Variants in PTGFR observed in about 807,000 individuals in gnomAD.
PTGFR encodes prostaglandin F2-alpha receptor.
A neutral mutation model predicts 26.2 loss-of-function variants in PTGFR; 15 were observed. That is an observed-to-expected ratio of 0.57 (90% CI 0.38 to 0.88). PTGFR has a LOEUF of 0.88. Among genes scored for constraint, PTGFR ranks in the 40% least tolerant of loss-of-function variants. The pLI, the probability that PTGFR is intolerant of heterozygous loss-of-function variation, is 0.00. For synonymous variants in PTGFR, 165 were observed against 151.1 expected, an observed-to-expected ratio of 1.09 and a Z score of -0.68; for missense variants, 369 against 427.2, an observed-to-expected ratio of 0.86 and a Z score of 1.20.
In PTGFR at chr1:78,493,447, A is replaced by G. The variant is rs757380076; in HGVS notation, c.704A>G (p.Gln235Arg). The G allele has an allele frequency of 1.2e-6, 2 of 1,612,718 alleles. No homozygotes were observed. Among genetic ancestry groups the G allele is most frequent in the Admixed American group, 1.7e-5 (1 of 59,884 alleles). Residue 235 changes from glutamine (Q) to arginine (R), a missense_variant, in exon 2 of 3, where the codon CAG becomes CGG. Gln to Arg is a conservative substitution (Grantham distance 43, BLOSUM62 1). Transcript: ENST00000370757. ...CTTTTAAGAGTTAAATTTAAAAGTC[A>G]GCAGCACAGACAAGGCAGATCTCAT... ...ITLLRVKFKSQQHRQGRSHHL... is the reference protein window; with the variant it reads ...ITLLRVKFKSRQHRQGRSHHL...
At chr1:78,512,305 T>C (rs765015516) in intron 2 of PTGFR, among the ~76,000 whole-genome samples, 1 of 152,206 alleles carries the variant, frequency 6.6e-6, no homozygotes, top group Non-Finnish European at 1.5e-5. Flanking sequence ...TATAAATAAA[T>C]ACCTGAGACT....
chr1:78,498,997 T>C (rs1024466337), intron 2 of PTGFR, among the ~76,000 whole-genome samples: 2 of 152,156 alleles, frequency 1.3e-5, no homozygotes, highest in African/African-American at 4.8e-5. Flanking sequence ...AAAAGACATA[T>C]TTTAGAGATA....
chr1:78,530,131 G>T (rs1650468799), intron 2 of PTGFR, among the ~76,000 whole-genome samples: 1 of 152,078 alleles, frequency 6.6e-6, no homozygotes. Flanking sequence ...GAAGATAAAA[G>T]GTACTGAGCA....
chr1:78,495,584 C>G (rs890460695), intron 2 of PTGFR, among the ~76,000 whole-genome samples: 1 of 152,122 alleles, frequency 6.6e-6, no homozygotes, highest in Admixed American at 6.5e-5. Context: ...AGTGAAGTGT[C>G]AATAAATGAG....
chr1:78,513,827 A>C (rs1650028761), intron 2 of PTGFR, among the ~76,000 whole-genome samples: 1 of 152,058 alleles, frequency 6.6e-6, no homozygotes, highest in Non-Finnish European at 1.5e-5. Context: ...TCCCACATCC[A>C]GGGTGCCCGG....
chr1:78,492,606 C>T, intron 1 of PTGFR, 66 bp from the exon 2 acceptor site: 1 of 836,276 alleles, frequency 1.2e-6, no homozygotes, highest in Non-Finnish European at 1.8e-6. Flanking sequence ...TGCTGGGGCA[C>T]GTCAGTCATA....
rs116154062 is a variant in PTGFR at position 78,501,648 on chromosome 1, C to T, written c.798+8107C>T. The stretch of plus-strand genomic sequence containing the variant: ...GGTGTGATGGTGAAGGAGACAGAGA[C>T]AATTGGATTATGTAAAATGAATTAT... On this transcript the variant is annotated intron_variant, in intron 2 of 2. Coordinates refer to ENST00000370757, the MANE Select transcript of PTGFR (RefSeq NM_000959.4). 9.9e-3 allele frequency among the ~76,000 whole-genome samples: 1,502 copies of T among 152,160 alleles called. 31 individuals are homozygous for T. Among genetic ancestry groups the T allele is most frequent in the African/African-American group, 0.034 (1,429 of 41,528 alleles).
intron 2 of PTGFR, among the ~76,000 whole-genome samples, chr1:78,521,063 T>A (rs1190931170): frequency 9.9e-5 from 15 of 152,062 alleles, no homozygotes; most frequent in Non-Finnish European, 4.4e-5. Flanking sequence ...GGCTGGCTCC[T>A]CTCTCTTAAT....
At chr1:78,518,385 T>C (rs1650141972) in intron 2 of PTGFR, among the ~76,000 whole-genome samples, 1 of 152,112 alleles carries the variant, frequency 6.6e-6, no homozygotes, top group South Asian at 2.1e-4. Flanking sequence ...TCTTTTATTA[T>C]TTCTTTTTGG....
At chr1:78,532,660 C>T (rs763990223) in intron 2 of PTGFR, among the ~76,000 whole-genome samples, 8 of 151,174 alleles carry the variant, frequency 5.3e-5, no homozygotes, top group African/African-American at 1.2e-4. Flanking sequence ...CTCTGCCTCT[C>T]GGGTTCAAGC....
At chr1:78,530,431 G>A (rs917086532) in intron 2 of PTGFR, among the ~76,000 whole-genome samples, 64 of 152,160 alleles carry the variant, frequency 4.2e-4, no homozygotes, top group Admixed American at 9.2e-4. Context: ...ATGAGAGTGT[G>A]CTAGAATCAG....
Position 78,492,730 on chromosome 1 carries a change from T to C in PTGFR, c.-14T>C. 6.3e-7 allele frequency: 1 copy of C among 1,596,460 alleles called. No individual in the cohort carries two copies. The highest frequency in any genetic ancestry group is 8.5e-7 in the Non-Finnish European group (1 of 1,171,160). ...GGGAGATGACTTGAGTGGTTGGCTT[T>C]TATCTCCACAACAATGTCCATGAAC... On this transcript the variant is annotated 5_prime_UTR_variant, in exon 2 of 3. Coordinates refer to ENST00000370757, the MANE Select transcript of PTGFR (RefSeq NM_000959.4).
At position 78,492,883 on chromosome 1, in the gene PTGFR, C is replaced by A. The variant is rs758033143; in HGVS notation, c.140C>A (p.Ala47Asp). 6.2e-7 allele frequency: 1 copy of A among 1,614,224 alleles called. No homozygotes were observed. Among genetic ancestry groups the A allele is most frequent in the East Asian group, 2.2e-5 (1 of 44,884 alleles). Residue 47 changes from alanine (A) to aspartate (D), a missense_variant, in exon 2 of 3, where the codon GCC (alanine) becomes GAC (aspartate). Physicochemically the swap from Ala to Asp is moderately radical, Grantham distance 126. Coordinates refer to ENST00000370757, the MANE Select transcript of PTGFR (RefSeq NM_000959.4). The part of the protein sequence containing the change: ...MTVGILSNSL[A>D]IAILMKAYQR... Reference sequence around the variant, plus strand: ...GTGGGAATCTTGTCAAACAGCCTTGCCATCGCCATTCTCATGAAGGCATAT... The same window carrying A: ...GTGGGAATCTTGTCAAACAGCCTTGACATCGCCATTCTCATGAAGGCATAT...
At chr1:78,513,473 C>G (rs1346180529) in intron 2 of PTGFR, among the ~76,000 whole-genome samples, 1 of 152,156 alleles carries the variant, frequency 6.6e-6, no homozygotes, top group Non-Finnish European at 1.5e-5. Context: ...CAGAAGAAAT[C>G]TCTAAGCAGC....
At chr1:78,506,377 A>G (rs1023299652) in intron 2 of PTGFR, among the ~76,000 whole-genome samples, 7 of 151,956 alleles carry the variant, frequency 4.6e-5, no homozygotes, top group Non-Finnish European at 7.4e-5. Flanking sequence ...TAAAAAAGTT[A>G]TATTGGTCTG....
chr1:78,494,658 T>A (rs1342652508), intron 2 of PTGFR, among the ~76,000 whole-genome samples: 2 of 152,174 alleles, frequency 1.3e-5, no homozygotes. Context: ...CAGGCTGGAG[T>A]ACAGTGGTGC....
At chr1:78,528,294 C>CAAAAAA (rs35137595) in intron 2 of PTGFR, among the ~76,000 whole-genome samples, 2 of 20,116 alleles carry the variant, frequency 9.9e-5, no homozygotes, top group African/African-American at 1.5e-4. Flanking sequence ...AGAAAGTTAG[C>CAAAAAA]AAAAAAAAAA....
chr1:78,497,891 G>C, intron 2 of PTGFR: 1 of 1,591,556 alleles, frequency 6.3e-7, no homozygotes, highest in Non-Finnish European at 8.6e-7. Flanking sequence ...GAATAATTTT[G>C]AATGGGAAAG....
chr1:78,492,809 C>T lies in PTGFR; in HGVS notation c.66C>T (p.Cys22=), dbSNP rs1649440098. The T allele has an allele frequency of 6.2e-7, 1 of 1,614,058 alleles. No homozygotes were observed. The highest frequency in any genetic ancestry group is 1.7e-5 in the Admixed American group (1 of 60,002). The change falls in exon 2 of 3, where the codon TGC becomes TGT. Residue 22 remains cysteine, a synonymous_variant. Transcript: ENST00000370757. ...PAAALLSNTT[C]QTENRLSVFF... The stretch of plus-strand genomic sequence containing the variant: ...CTGCGCTTCTTTCAAACACAACCTG[C>T]CAGACGGAAAACCGGCTTTCCGTAT...
Sources: gnomAD v4.1 joint callset for allele counts (sites outside exome capture counted in the v4.1 genomes callset) on GRCh38, gnomAD v4.1.1 for gene constraint, MANE v1.5 for transcripts, NCBI Gene and HGNC (gene_info 2026-07-23, HGNC 2026-07-21) for gene names.